The following GTF2E2 variants were observed in gnomAD, a reference collection of about 807,000 sequenced individuals.
The protein encoded by GTF2E2 is transcription initiation factor IIE subunit beta.
GTF2E2 carries 21 observed loss-of-function variants against 40.5 expected under a neutral mutation model. That is an observed-to-expected ratio of 0.52 (90% CI 0.37 to 0.75). GTF2E2 has a LOEUF of 0.75. Ranked by LOEUF, GTF2E2 falls within the 30% of genes least tolerant of loss-of-function variation. The pLI is 0.00. For synonymous variants in GTF2E2, 117 were observed against 121.6 expected, an observed-to-expected ratio of 0.96 and a Z score of 0.25; for missense variants, 298 against 338.4, an observed-to-expected ratio of 0.88 and a Z score of 0.94.
Position 30,619,390 on chromosome 8 carries a change from C to CT in GTF2E2, c.259-4676dup, listed in dbSNP as rs5890528. 5.6e-3 allele frequency among the ~76,000 whole-genome samples: 800 copies of CT among 142,010 alleles called. 14 individuals carry two copies. The highest frequency in any genetic ancestry group is 0.016 in the African/African-American group (628 of 38,518). 93.2% of individuals were successfully genotyped at this position (142,010 alleles called of 152,430 possible). ...TTTTGATATATTTTGCATAAACTGA[C>CT]TTTTTTTTTTTTTTTGAGACGGAGT... On this transcript the variant is annotated intron_variant, in intron 3 of 7. Coordinates refer to ENST00000355904, the MANE Select transcript of GTF2E2 (RefSeq NM_002095.6).
At chr8:30,618,282 C>T (rs1281456091) in intron 3 of GTF2E2, among the ~76,000 whole-genome samples, 1 of 33,996 alleles carries the variant, frequency 2.9e-5, no homozygotes, top group African/African-American at 1.7e-4. Flanking sequence ...AACACTCTGT[C>T]TCGGGGGGCG....
Position 30,578,734 on chromosome 8 carries a change from C to T in GTF2E2, c.*187G>A, listed in dbSNP as rs1019270829. On this transcript the variant is annotated 3_prime_UTR_variant, in exon 8 of 8. Transcript: ENST00000355904. ...AACAGAAGGTTAACAGGGAACATCACATTGCCCATGAGCCCATTCTACTCA... is the reference window on the plus strand; with the variant it reads ...AACAGAAGGTTAACAGGGAACATCATATTGCCCATGAGCCCATTCTACTCA... 1.9e-6 allele frequency: 1 copy of T among 513,438 alleles called. No homozygotes were observed. The highest frequency in any genetic ancestry group is 1.9e-5 in the African/African-American group (1 of 51,760). The allele number at this position is 513,438 out of a possible 1,614,324, so 31.8% of individuals were successfully genotyped here. A position where few individuals can be genotyped will look rare whatever the true frequency, so the allele number is the denominator to read the frequency against.
intron 6 of GTF2E2, among the ~76,000 whole-genome samples, chr8:30,603,750 ATGATC>A (rs1338693911): frequency 1.3e-5 from 2 of 152,188 alleles, no homozygotes; most frequent in East Asian, 3.8e-4. Context: ...TATGTAGATG[ATGATC>A]TGATAAGAAT....
Position 30,596,235 on chromosome 8 carries a change from T to C in GTF2E2, c.643+10822A>G, listed in dbSNP as rs1485878932. On this transcript the variant is annotated intron_variant, in intron 6 of 7. Transcript: ENST00000355904. ...TCATTACATCTTCAAGTATTTCTTC[T>C]GCCCCGTTTTCTTTCTTTTCCTTCT... Among the ~76,000 whole-genome samples, 9 of 152,222 alleles carry C rather than the reference T, an allele frequency of 5.9e-5. No homozygotes were observed. In the East Asian group the frequency reaches 1.5e-3, roughly 26 times the overall value.
chr8:30,630,187 G>A (rs925375443), intron 3 of GTF2E2, among the ~76,000 whole-genome samples: 27 of 152,152 alleles, frequency 1.8e-4, no homozygotes, highest in Admixed American at 1.5e-3. Context: ...CTCAGTTACT[G>A]TTCCAACGTA....
At position 30,623,860 on chromosome 8, in the gene GTF2E2, G is replaced by T. The variant is rs187963887; in HGVS notation, c.259-9145C>A. ...TATCCTTTGCCCACTTTTTGATGGG[G>T]TTTTTTTTTCTTGAAAATTTGTTTG... is the stretch of plus-strand genomic sequence containing the variant. On this transcript the variant is annotated intron_variant, in intron 3 of 7. Transcript: ENST00000355904. Among the ~76,000 whole-genome samples, 116 of 150,854 alleles carry T rather than the reference G, an allele frequency of 7.7e-4. 2 individuals are homozygous for T. The highest frequency in any genetic ancestry group is 2.4e-3 in the African/African-American group (99 of 41,048).
chr8:30,616,565 A>G (rs576753998), intron 3 of GTF2E2, among the ~76,000 whole-genome samples: 112 of 152,308 alleles, frequency 7.4e-4, no homozygotes, highest in African/African-American at 2.6e-3. Context: ...GGAGGATACT[A>G]GAGTGGTGGA....
At chr8:30,638,250 C>T (rs1801679799) in intron 2 of GTF2E2, among the ~76,000 whole-genome samples, 1 of 152,084 alleles carries the variant, frequency 6.6e-6, no homozygotes, top group South Asian at 2.1e-4. Context: ...GCTGGCAAAC[C>T]TGGACTGTTT....
At chr8:30,588,861 T>C (rs181532840) in intron 6 of GTF2E2, among the ~76,000 whole-genome samples, 3 of 152,346 alleles carry the variant, frequency 2.0e-5, no homozygotes, top group Non-Finnish European at 4.4e-5. Flanking sequence ...AACAGTAAGA[T>C]AATACGTTTG....
At chr8:30,649,247 CA>C (rs977873578) in intron 2 of GTF2E2, among the ~76,000 whole-genome samples, 1 of 151,786 alleles carries the variant, frequency 6.6e-6, no homozygotes, top group Non-Finnish European at 1.5e-5. Context: ...AAAAAATTAA[CA>C]TCAATAAAAA....
chr8:30,597,258 A>AGGGACTCAT (rs1461793912), intron 6 of GTF2E2: 5 of 152,210 alleles, frequency 3.3e-5, no homozygotes, highest in African/African-American at 4.8e-5. Flanking sequence ...ACAGTGGTTT[A>AGGGACTCAT]AGGCTCTTAT....
At chr8:30,610,770 G>A (rs1179995660) in intron 5 of GTF2E2, among the ~76,000 whole-genome samples, 1 of 152,094 alleles carries the variant, frequency 6.6e-6, no homozygotes, top group Non-Finnish European at 1.5e-5. Flanking sequence ...ATTAGATTTG[G>A]CAGTGATTTA....
intron 2 of GTF2E2, among the ~76,000 whole-genome samples, chr8:30,638,003 T>C (rs1801668474): frequency 6.6e-6 from 1 of 152,196 alleles, no homozygotes; most frequent in East Asian, 1.9e-4. Context: ...CTTTGCCATT[T>C]ACATTTTAGA....
intron 3 of GTF2E2, among the ~76,000 whole-genome samples, chr8:30,623,785 CA>C (rs2151137990): frequency 6.6e-6 from 1 of 152,166 alleles, no homozygotes; most frequent in Admixed American, 6.5e-5. Context: ...AGCATTTTTT[CA>C]TGTGTCTGTT....
chr8:30,648,957 T>G (rs1015711155), intron 2 of GTF2E2, among the ~76,000 whole-genome samples: 1 of 152,206 alleles, frequency 6.6e-6, no homozygotes, highest in East Asian at 1.9e-4. Context: ...GGGACCTGTT[T>G]GTGGGGAAGA....
At chr8:30,646,555 C>T (rs937803577) in intron 2 of GTF2E2, among the ~76,000 whole-genome samples, 1 of 152,176 alleles carries the variant, frequency 6.6e-6, no homozygotes, top group East Asian at 1.9e-4. Flanking sequence ...GGAAATGTAT[C>T]CTAAGCACTT....
At chr8:30,629,241 A>G (rs10087352) in intron 3 of GTF2E2, among the ~76,000 whole-genome samples, 5,193 of 152,286 alleles carry the variant, frequency 0.034, 295 homozygotes, top group African/African-American at 0.12. Flanking sequence ...TTCTTGACCC[A>G]GTCCTACTAT....
chr8:30,599,210 A>G (rs1829098999), intron 6 of GTF2E2, among the ~76,000 whole-genome samples: 1 of 152,182 alleles, frequency 6.6e-6, no homozygotes, highest in South Asian at 2.1e-4. Context: ...TGATCCAGCA[A>G]TTCAACCTCA....
intron 4 of GTF2E2, 148 bp from the exon 5 acceptor site, chr8:30,612,629 C>CAGTA: frequency 9.4e-6 from 4 of 425,612 alleles, no homozygotes; most frequent in Non-Finnish European, 1.7e-5. Flanking sequence ...TGGGTTCAAG[C>CAGTA]GATTCTCCTG....
Sources: gnomAD v4.1 joint callset for allele counts (sites outside exome capture counted in the v4.1 genomes callset) on GRCh38, gnomAD v4.1.1 for gene constraint, MANE v1.5 for transcripts, NCBI Gene and HGNC (gene_info 2026-07-23, HGNC 2026-07-21) for gene names.